TRAF2: variants seen among roughly 807,000 people sequenced by gnomAD.
TRAF2 encodes the protein TNF receptor associated factor 2.
Under a neutral mutation model 55.6 loss-of-function variants are expected in TRAF2, and 6 were observed. The observed-to-expected ratio is 0.11, with a 90% CI of 0.06 to 0.21. TRAF2 has a LOEUF of 0.21. Ranked by LOEUF, TRAF2 falls within the 10% of genes least tolerant of loss-of-function variation. The pLI, the probability that TRAF2 is intolerant of heterozygous loss-of-function variation, is 1.00. For missense variants in TRAF2, 561 were observed against 684.5 expected (o/e 0.82, Z 2.01); for synonymous variants, 329 against 276.3 (o/e 1.19, Z -1.89).
At position 136,891,620 on chromosome 9, in the gene TRAF2, C is replaced by T. The variant is rs147390291; in HGVS notation, c.-29+5079C>T. Among the ~76,000 whole-genome samples, 648 of 152,014 alleles carry T rather than the reference C, an allele frequency of 4.3e-3. 4 individuals are homozygous for T. The highest frequency in any genetic ancestry group is 0.015 in the African/African-American group (622 of 41,430). ...ACACCTCTGTCTCCACCTTCAAGAG[C>T]GCATTTAGGAGGAATGTCGATATGA... is the stretch of plus-strand genomic sequence containing the variant. On this transcript the variant is annotated intron_variant, in intron 1 of 10. Coordinates refer to ENST00000247668, the MANE Select transcript of TRAF2 (RefSeq NM_021138.4).
At chr9:136,886,564 T>C (rs959755565) in intron 1 of TRAF2, 23 bp downstream of exon 1, 76 of 961,696 alleles carry the variant, frequency 7.9e-5, no homozygotes, top group Non-Finnish European at 8.8e-5. Context: ...CGGGGTCGGG[T>C]GCGGGGTCGG....
At position 136,920,266 on chromosome 9, in the gene TRAF2, G is replaced by T. The variant is rs1850352251; in HGVS notation, c.711G>T (p.Val237=). 6.2e-7 allele frequency: 1 copy of T among 1,613,018 alleles called. No homozygotes were observed. Among genetic ancestry groups the T allele is most frequent in the Non-Finnish European group, 8.5e-7 (1 of 1,179,786 alleles). Residue 237 remains valine (V), a synonymous_variant, in exon 8 of 11, where the codon GTG becomes GTT. Transcript: ENST00000247668. ...VEGEKQQEHE[V]QWLREHLAML... ...GTGAGAAACAGCAGGAGCACGAGGT[G>T]CAGTGGCTGCGGGAGCACCTGGCCA... is the stretch of plus-strand genomic sequence containing the variant.
intron 7 of TRAF2, 130 bp from the exon 8 acceptor site, chr9:136,920,104 A>G: frequency 2.5e-6 from 3 of 1,196,922 alleles, no homozygotes; most frequent in Non-Finnish European, 3.4e-6. Context: ...TGACCAGGCC[A>G]CCCAGGCATC....
chr9:136,921,249 G>T, intron 9 of TRAF2, 34 bp downstream of exon 9: 2 of 1,610,754 alleles, frequency 1.2e-6, no homozygotes. Context: ...CACTGCAGCT[G>T]CTGTTTACTT....
intron 1 of TRAF2, among the ~76,000 whole-genome samples, chr9:136,896,203 CAG>C (rs1401847888): frequency 6.6e-6 from 1 of 152,220 alleles, no homozygotes; most frequent in Non-Finnish European, 1.5e-5. Flanking sequence ...ACTAGGCTCT[CAG>C]GGGCCGGGAC....
upstream of TRAF2, among the ~76,000 whole-genome samples, chr9:136,885,560 G>T (rs1849429267): frequency 6.6e-6 from 1 of 152,154 alleles, no homozygotes. Flanking sequence ...TTGAGGTCGG[G>T]AGTTCAAGAC....
chr9:136,920,482 G>A lies in TRAF2; in HGVS notation c.927G>A (p.Leu309=). Residue 309 remains leucine, a synonymous_variant, in exon 8 of 11, where the codon CTG becomes CTA. Transcript: ENST00000247668. ...TAEACSRQHR[L]DQDKIEALSS... is the part of the protein sequence containing the mutation. ...AGGCCTGCAGCCGGCAGCACCGGCT[G>A]GACCAAGACAAGATTGAAGCCCTGA... 1 of 1,613,178 alleles carries A rather than the reference G, an allele frequency of 6.2e-7. No individual in the cohort carries two copies. Among genetic ancestry groups the A allele is most frequent in the Non-Finnish European group, 8.5e-7 (1 of 1,179,696 alleles).
intron 4 of TRAF2, among the ~76,000 whole-genome samples, chr9:136,902,759 C>A (rs1849851470): frequency 6.6e-6 from 1 of 152,168 alleles, no homozygotes; most frequent in Admixed American, 6.5e-5. Context: ...AGTTGGGAGC[C>A]GCTCTGCCCC....
In TRAF2 at chr9:136,898,570, C is replaced by T. The variant is rs756956214; in HGVS notation, c.-28-143C>T. ...GTCTCCAAGGCTCCCTGAAGCTCTG[C>T]GATTCTGCTTCTCTGAGTCTTGACC... On this transcript the variant is annotated intron_variant, in intron 1 of 10. Transcript: ENST00000247668. 40 of 1,447,748 alleles carry T rather than the reference C, an allele frequency of 2.8e-5. No individual in the cohort carries two copies. In the African/African-American group the frequency reaches 3.8e-4, roughly 14 times the overall value. 89.7% of individuals were successfully genotyped at this position (1,447,748 alleles called of 1,614,324 possible).
chr9:136,923,799 T>TGCCCC (rs1456599754), intron 9 of TRAF2, 53 bp from the exon 10 acceptor site: 4 of 1,588,864 alleles, frequency 2.5e-6, no homozygotes, highest in Middle Eastern at 1.8e-4. Context: ...GGAAGAGCCC[T>TGCCCC]GCCCCGCCCT....
At chr9:136,889,379 G>A (rs989172836) in intron 1 of TRAF2, among the ~76,000 whole-genome samples, 1 of 151,810 alleles carries the variant, frequency 6.6e-6, no homozygotes, top group Non-Finnish European at 1.5e-5. Flanking sequence ...TGCCTCCCAG[G>A]TTCAAGTGAT....
intron 5 of TRAF2, among the ~76,000 whole-genome samples, chr9:136,909,030 T>A (rs1462374206): frequency 2.5e-5 from 3 of 118,320 alleles, no homozygotes; most frequent in African/African-American, 1.1e-4. Flanking sequence ...AGAGGAAGAC[T>A]CTGTCTCAAA....
chr9:136,920,053 C>G (rs1004287670), intron 7 of TRAF2, among the ~76,000 whole-genome samples, 181 bp from the exon 8 acceptor site: 1 of 152,202 alleles, frequency 6.6e-6, no homozygotes, highest in Non-Finnish European at 1.5e-5. Context: ...TCTTTAAACA[C>G]ACCTGACTTT....
At chr9:136,903,447 G>A (rs556455915) in intron 4 of TRAF2, among the ~76,000 whole-genome samples, 1 of 152,236 alleles carries the variant, frequency 6.6e-6, no homozygotes, top group Non-Finnish European at 1.5e-5. Flanking sequence ...AAGTATGCTC[G>A]GCCTCATGGA....
At chr9:136,890,088 G>A (rs1244053511) in intron 1 of TRAF2, among the ~76,000 whole-genome samples, 2 of 140,824 alleles carry the variant, frequency 1.4e-5, no homozygotes, top group African/African-American at 2.7e-5. Context: ...AGTCCCCACC[G>A]CACGCTTGTT....
intron 5 of TRAF2, among the ~76,000 whole-genome samples, chr9:136,908,792 C>T (rs1216206899): frequency 6.6e-6 from 1 of 151,644 alleles, no homozygotes; most frequent in Non-Finnish European, 1.5e-5. Context: ...ATGGCGTGAA[C>T]CCAGGAGGCG....
At chr9:136,898,611 C>A in intron 1 of TRAF2, 102 bp from the exon 2 acceptor site, 1 of 1,509,050 alleles carries the variant, frequency 6.6e-7, no homozygotes, top group Non-Finnish European at 8.8e-7. Context: ...TCAGTGGGGA[C>A]CCGGCCCCTC....
At chr9:136,919,013 G>A (rs1850315435) in intron 7 of TRAF2, among the ~76,000 whole-genome samples, 1 of 140,316 alleles carries the variant, frequency 7.1e-6, no homozygotes, top group Non-Finnish European at 1.6e-5. Context: ...GGGATTACAG[G>A]TGTGAGCCAC....
chr9:136,885,633 T>C (rs975472971), upstream of TRAF2, among the ~76,000 whole-genome samples: 3 of 152,126 alleles, frequency 2.0e-5, no homozygotes, highest in African/African-American at 7.2e-5. Context: ...CCGGGCGTGA[T>C]GGCGGGCGCC....
Sources: gnomAD v4.1 joint callset for allele counts (sites outside exome capture counted in the v4.1 genomes callset) on GRCh38, gnomAD v4.1.1 for gene constraint, MANE v1.5 for transcripts, NCBI Gene and HGNC (gene_info 2026-07-23, HGNC 2026-07-21) for gene names.